Variants in XKR9 observed in about 807,000 individuals in gnomAD.
XKR9 encodes XK related 9, also known as XK-related protein 9.
XKR9 carries 32 observed loss-of-function variants against 32.0 expected under a neutral mutation model. That is an observed-to-expected ratio of 1.00 (90% confidence interval 0.76 to 1.34). The LOEUF (loss-of-function observed/expected upper bound fraction) is 1.34. Ranked by LOEUF, XKR9 falls within the 40% of genes most tolerant of loss-of-function variation. The pLI is 0.00. For missense variants in XKR9, 546 were observed against 429.7 expected, an observed-to-expected ratio of 1.27 and a Z score of -2.39; for synonymous variants, 168 against 143.4, an observed-to-expected ratio of 1.17 and a Z score of -1.22.
At chr8:70,964,934 T>C in the XKR9 span, among the ~76,000 whole-genome samples, 3 of 152,202 alleles carry the variant, frequency 2.0e-5, no homozygotes, top group Non-Finnish European at 4.4e-5. Context: ...TTTGAATACC[T>C]TTATTTCTTT....
intron 2 of XKR9, among the ~76,000 whole-genome samples, chr8:70,753,106 A>G (rs1277250700): frequency 7.2e-5 from 11 of 152,374 alleles, no homozygotes; most frequent in African/African-American, 2.2e-4. Context: ...CCACAGAAAT[A>G]CAAACTACCA....
At chr8:70,765,495 T>G (rs1807363107) in intron 2 of XKR9, among the ~76,000 whole-genome samples, 1 of 152,230 alleles carries the variant, frequency 6.6e-6, no homozygotes, top group African/African-American at 2.4e-5. Flanking sequence ...ATGGATATAT[T>G]GCAAAAATTT....
the XKR9 span, among the ~76,000 whole-genome samples, chr8:70,852,433 C>T: frequency 4.0e-5 from 6 of 151,856 alleles, no homozygotes; most frequent in South Asian, 4.2e-4. Context: ...AATCCCATTA[C>T]GGGATTATAA....
chr8:70,979,146 T>G, the XKR9 span, among the ~76,000 whole-genome samples: 3 of 152,310 alleles, frequency 2.0e-5, no homozygotes, highest in East Asian at 5.8e-4. Context: ...CTAATCTTTT[T>G]TCAAGGTTGT....
the XKR9 span, among the ~76,000 whole-genome samples, chr8:70,869,130 C>T: frequency 6.6e-6 from 1 of 152,220 alleles, no homozygotes; most frequent in African/African-American, 2.4e-5. Flanking sequence ...ATTTTCCTGT[C>T]TTCCATGGAG....
At chr8:70,839,338 G>A in the XKR9 span, among the ~76,000 whole-genome samples, 2 of 152,226 alleles carry the variant, frequency 1.3e-5, no homozygotes, top group African/African-American at 4.8e-5. Flanking sequence ...AATCTGCACC[G>A]TTGTCCCTGA....
At chr8:70,827,227 A>T in the XKR9 span, among the ~76,000 whole-genome samples, 9 of 152,174 alleles carry the variant, frequency 5.9e-5, no homozygotes, top group African/African-American at 2.2e-4. Flanking sequence ...ATACACACAC[A>T]TATATATGTG....
At chr8:70,919,942 G>A in the XKR9 span, among the ~76,000 whole-genome samples, 1 of 152,164 alleles carries the variant, frequency 6.6e-6, no homozygotes, top group Non-Finnish European at 1.5e-5. Flanking sequence ...CAGATATTAA[G>A]TTTTATTTGA....
chr8:70,941,237 T>G, the XKR9 span, among the ~76,000 whole-genome samples: 1 of 152,104 alleles, frequency 6.6e-6, no homozygotes, highest in South Asian at 2.1e-4. Context: ...TAACCTTTTG[T>G]GTCTGGGTTC....
chr8:70,751,394 T>C (rs1586882921), intron 2 of XKR9, among the ~76,000 whole-genome samples: 2 of 152,180 alleles, frequency 1.3e-5, no homozygotes, highest in East Asian at 3.9e-4. Flanking sequence ...CTCCCAAATT[T>C]CTGGGATTAC....
the XKR9 span, among the ~76,000 whole-genome samples, chr8:70,819,456 C>T: frequency 6.6e-6 from 1 of 152,168 alleles, no homozygotes; most frequent in African/African-American, 2.4e-5. Context: ...AATGTGTCCA[C>T]TAGTGTTTCA....
the XKR9 span, among the ~76,000 whole-genome samples, chr8:70,886,599 G>A: frequency 1.3e-5 from 2 of 152,002 alleles, no homozygotes; most frequent in South Asian, 2.1e-4. Flanking sequence ...GCGTGAGATG[G>A]TATCTCATTG....
chr8:71,021,226 C>T, the XKR9 span, among the ~76,000 whole-genome samples: 1 of 152,160 alleles, frequency 6.6e-6, no homozygotes, highest in African/African-American at 2.4e-5. Context: ...GCCTCCATGA[C>T]CCAAACACCT....
At chr8:71,043,812 G>A in the XKR9 span, among the ~76,000 whole-genome samples, 317 of 151,446 alleles carry the variant, frequency 2.1e-3, no homozygotes, top group Non-Finnish European at 3.4e-3. Context: ...ATCTAATTAC[G>A]AGATACCAAA....
chr8:70,780,673 A>G (rs1807602932), intron 2 of XKR9, among the ~76,000 whole-genome samples: 1 of 152,104 alleles, frequency 6.6e-6, no homozygotes, highest in African/African-American at 2.4e-5. Context: ...CTCCAGAACT[A>G]TGAGAGACTA....
chr8:70,881,811 C>G, the XKR9 span, among the ~76,000 whole-genome samples: 2 of 152,198 alleles, frequency 1.3e-5, no homozygotes, highest in African/African-American at 4.8e-5. Flanking sequence ...AAGACACTTG[C>G]AAACGTATGT....
At chr8:71,004,184 A>G in the XKR9 span, among the ~76,000 whole-genome samples, 1 of 152,284 alleles carries the variant, frequency 6.6e-6, no homozygotes, top group East Asian at 1.9e-4. Flanking sequence ...GAAAGAAGCT[A>G]TAGAGGATTT....
intron 4 of XKR9, among the ~76,000 whole-genome samples, chr8:70,731,506 T>C (rs1253491435): frequency 1.3e-5 from 2 of 152,186 alleles, no homozygotes; most frequent in Non-Finnish European, 2.9e-5. Context: ...TTTCAAGATG[T>C]TGCCTAATGG....
chr8:70,937,683 A>T, the XKR9 span, among the ~76,000 whole-genome samples: 4 of 152,162 alleles, frequency 2.6e-5, no homozygotes, highest in South Asian at 8.3e-4. Context: ...TCCATTTTAC[A>T]AATGAATAAA....
Sources: gnomAD v4.1 joint callset for allele counts (sites outside exome capture counted in the v4.1 genomes callset) on GRCh38, gnomAD v4.1.1 for gene constraint, MANE v1.5 for transcripts, NCBI Gene and HGNC (gene_info 2026-07-23, HGNC 2026-07-21) for gene names.